The following CES5A variants were observed in gnomAD, a reference collection of about 807,000 sequenced individuals.
The protein encoded by CES5A is carboxylesterase 5.
In CES5A, 67 loss-of-function variants were observed where a neutral mutation model predicts 62.9. That is an observed-to-expected ratio of 1.07 (90% CI 0.88 to 1.31). The LOEUF (loss-of-function observed/expected upper bound fraction) is 1.31. Ranked by LOEUF, CES5A falls within the 50% of genes most tolerant of loss-of-function variation. The pLI is 0.00. For missense variants in CES5A, 748 were observed against 708.5 expected (o/e 1.06, Z -0.63); for synonymous variants, 296 against 280.8 (o/e 1.05, Z -0.54).
In CES5A at chr16:55,875,358, T is replaced by A. The variant is rs7188305; in HGVS notation, c.-137A>T. The stretch of plus-strand genomic sequence containing the variant: ...GCAGAGGCAGCAGAGTTACTGAAGA[T>A]CAGCATCAGAACAATATTCTCAAAG... On this transcript the variant is annotated 5_prime_UTR_variant, in exon 1 of 13. Coordinates refer to ENST00000290567, the MANE Select transcript of CES5A (RefSeq NM_001143685.2). The A allele has an allele frequency of 0.4, 583,101 of 1,457,130 alleles. 119,429 individuals carry two copies. The highest frequency in any genetic ancestry group is 0.6 in the East Asian group (24,574 of 40,650). 90.3% of individuals were successfully genotyped at this position (1,457,130 alleles called of 1,614,324 possible). A position where few individuals can be genotyped will look rare whatever the true frequency, so the allele number is the denominator to read the frequency against.
At chr16:55,897,871 A>C (rs1313074608) in intron 1 of CES5A, among the ~76,000 whole-genome samples, 1 of 152,252 alleles carries the variant, frequency 6.6e-6, no homozygotes, top group African/African-American at 2.4e-5. Flanking sequence ...ATATACATAT[A>C]GTGGAACGCT....
At chr16:55,872,098 A>G (rs2033602107) in intron 2 of CES5A, among the ~76,000 whole-genome samples, 1 of 152,108 alleles carries the variant, frequency 6.6e-6, no homozygotes, top group Non-Finnish European at 1.5e-5. Flanking sequence ...TGGCCCAACA[A>G]TTCCCCAAAC....
intron 1 of CES5A, among the ~76,000 whole-genome samples, chr16:55,874,712 G>A (rs1567336144): frequency 6.6e-6 from 1 of 152,190 alleles, no homozygotes; most frequent in African/African-American, 2.4e-5. Flanking sequence ...TGGGCATGCA[G>A]GGGTCTCAGT....
At chr16:55,934,261 T>C (rs778438951) in intron 2 of CES5A, among the ~76,000 whole-genome samples, 16 of 152,232 alleles carry the variant, frequency 1.1e-4, no homozygotes, top group African/African-American at 2.4e-5. Context: ...CTCACTAAAA[T>C]GTAAATTTCA....
At chr16:55,867,822 T>C (rs1343288198) in intron 4 of CES5A, among the ~76,000 whole-genome samples, 1 of 152,224 alleles carries the variant, frequency 6.6e-6, no homozygotes, top group Admixed American at 6.5e-5. Context: ...CTCCACATGG[T>C]TGTGAAGATT....
At chr16:55,901,513 C>T (rs1276417030) in intron 1 of CES5A, among the ~76,000 whole-genome samples, 1 of 152,218 alleles carries the variant, frequency 6.6e-6, no homozygotes, top group Admixed American at 6.5e-5. Context: ...ATACACAAGG[C>T]TGCCCAACCA....
Position 55,873,875 on chromosome 16 carries a change from G to A in CES5A, c.236C>T (p.Ser79Leu), listed in dbSNP as rs533421083. Residue 79 changes from serine (S) to leucine (L), a missense_variant, in exon 2 of 13, where the codon TCG (serine) becomes TTG (leucine). Transcript: ENST00000290567. The part of the protein sequence containing the change: ...SLRFTNPQPA[S>L]PWDNLREATS... ...GGCTTCTCGCAAGTTATCCCAGGGC[G>A]ATGCAGGCTGCGGGTTCGTAAATCG... 112 of 1,613,692 alleles carry A rather than the reference G, an allele frequency of 6.9e-5. 1 individual carries two copies. The South Asian group carries it at 7.6e-4, about 11-fold the overall frequency.
At chr16:55,875,773 G>C (rs1013608789), upstream of CES5A, among the ~76,000 whole-genome samples, 1 of 152,168 alleles carries the variant, frequency 6.6e-6, no homozygotes, top group African/African-American at 2.4e-5. Flanking sequence ...CAACCTTGAG[G>C]CTTCTTCGAT....
At chr16:55,925,516 T>C (rs536258559), upstream of CES5A, 1 of 152,212 alleles carries the variant, frequency 6.6e-6, no homozygotes, top group African/African-American at 2.4e-5. Context: ...ACTGGGTATA[T>C]GTCCAAAACA....
intron 1 of CES5A, among the ~76,000 whole-genome samples, chr16:55,891,907 T>C (rs1014655587): frequency 1.4e-4 from 21 of 152,314 alleles, no homozygotes; most frequent in African/African-American, 5.1e-4. Context: ...CAAAACATGT[T>C]TCTTTGCCAT....
chr16:55,888,676 G>A (rs1186333266), intron 1 of CES5A, among the ~76,000 whole-genome samples: 6 of 152,142 alleles, frequency 3.9e-5, no homozygotes, highest in African/African-American at 1.4e-4. Flanking sequence ...TCATTTATTG[G>A]TTGTGTCAGT....
At chr16:55,919,077 T>A (rs1349784716) in intron 1 of CES5A, among the ~76,000 whole-genome samples, 1 of 152,132 alleles carries the variant, frequency 6.6e-6, no homozygotes, top group Admixed American at 6.6e-5. Context: ...CCATCTCTAA[T>A]CGGCTGAGAC....
intron 1 of CES5A, among the ~76,000 whole-genome samples, chr16:55,950,391 C>T (rs1261261607): frequency 6.6e-6 from 1 of 152,134 alleles, no homozygotes; most frequent in Non-Finnish European, 1.5e-5. Flanking sequence ...TTAGTATTCT[C>T]ATGCAAGGGA....
chr16:55,887,665 G>A (rs1369334355), intron 1 of CES5A, among the ~76,000 whole-genome samples: 1 of 152,184 alleles, frequency 6.6e-6, no homozygotes. Flanking sequence ...CTATGTGACA[G>A]TGTAAACTTA....
chr16:55,876,500 A>C (rs1257961657), upstream of CES5A, among the ~76,000 whole-genome samples: 1 of 152,202 alleles, frequency 6.6e-6, no homozygotes, highest in African/African-American at 2.4e-5. Flanking sequence ...TGGAAAGGAG[A>C]AGGGAACAGA....
chr16:55,928,552 G>A (rs1276813526), upstream of CES5A, among the ~76,000 whole-genome samples: 1 of 152,144 alleles, frequency 6.6e-6, no homozygotes, highest in Non-Finnish European at 1.5e-5. Context: ...AAACCCACTT[G>A]TACCCTAAAG....
chr16:55,931,917 T>C (rs943514544), intron 2 of CES5A, among the ~76,000 whole-genome samples: 93 of 152,312 alleles, frequency 6.1e-4, no homozygotes, highest in African/African-American at 2.1e-3. Flanking sequence ...GAGTTAATGT[T>C]TGGCCCCTCT....
intron 6 of CES5A, among the ~76,000 whole-genome samples, chr16:55,862,954 C>T (rs1283751350): frequency 6.6e-6 from 1 of 152,162 alleles, no homozygotes; most frequent in Non-Finnish European, 1.5e-5. Context: ...TCAGTCACAG[C>T]ATTATTTCCC....
intron 1 of CES5A, among the ~76,000 whole-genome samples, chr16:55,903,789 G>A (rs2034013471): frequency 6.6e-6 from 1 of 152,180 alleles, no homozygotes; most frequent in Non-Finnish European, 1.5e-5. Context: ...GAAATTGCAA[G>A]ACCTGGAAAA....
Sources: allele counts gnomAD v4.1 joint callset (sites outside exome capture counted in the v4.1 genomes callset), GRCh38; gene constraint gnomAD v4.1.1; transcripts MANE v1.5; gene names NCBI Gene and HGNC (gene_info 2026-07-23, HGNC 2026-07-21).